MSH4: variants seen among roughly 807,000 people sequenced by gnomAD.
MSH4 encodes the protein mutS protein homolog 4.
In MSH4, 106 loss-of-function variants were observed where a neutral mutation model predicts 113.7. The observed-to-expected ratio is 0.93, with a 90% CI of 0.80 to 1.10. The LOEUF is 1.10. Ranked by LOEUF, MSH4 falls within the 50% of genes least tolerant of loss-of-function variation. MSH4 has a pLI of 0.00. For missense variants in MSH4, 1,061 were observed against 1,093.7 expected (o/e 0.97, Z 0.42); for synonymous variants, 368 against 380.2 (o/e 0.97, Z 0.37).
intron 8 of MSH4, among the ~76,000 whole-genome samples, chr1:75,849,862 A>G (rs1393648361): frequency 6.6e-6 from 1 of 152,184 alleles, no homozygotes; most frequent in Non-Finnish European, 1.5e-5. Context: ...TCCACTTATT[A>G]AATAGGCATA....
At chr1:75,893,564 A>G (rs772857528) in intron 17 of MSH4, among the ~76,000 whole-genome samples, 7 of 152,174 alleles carry the variant, frequency 4.6e-5, no homozygotes, top group Non-Finnish European at 7.4e-5. Context: ...AGGAAACTGT[A>G]ATGGCATCCC....
At chr1:75,889,730 T>C (rs1652210144) in intron 16 of MSH4, among the ~76,000 whole-genome samples, 1 of 152,150 alleles carries the variant, frequency 6.6e-6, no homozygotes, top group African/African-American at 2.4e-5. Flanking sequence ...ATTACTGTGT[T>C]AGAAGGGTTT....
At chr1:75,894,273 G>A (rs1250274804) in intron 17 of MSH4, among the ~76,000 whole-genome samples, 1 of 152,170 alleles carries the variant, frequency 6.6e-6, no homozygotes, top group African/African-American at 2.4e-5. Context: ...TTACTGTAAT[G>A]GGAAGCAGAG....
intron 17 of MSH4, among the ~76,000 whole-genome samples, chr1:75,895,458 G>A (rs1652357854): frequency 6.6e-6 from 1 of 152,052 alleles, no homozygotes. Flanking sequence ...GAAGCCAAAG[G>A]AAATACAGAA....
chr1:75,879,087 A>C lies in MSH4; in HGVS notation c.1636A>C (p.Ile546Leu), dbSNP rs747371654. The C allele has an allele frequency of 6.2e-7, 1 of 1,611,980 alleles. No homozygotes were observed. The highest frequency in any genetic ancestry group is 1.1e-5 in the South Asian group (1 of 91,034). ...GFFIQMTTDC[I>L]ALPSDQLPSE... ...TTTCATCCAGATGACTACAGATTGT[A>C]TAGCCCTACCTAGTGATCAACTTCC... is the stretch of plus-strand genomic sequence containing the variant. Residue 546 changes from isoleucine (I) to leucine (L), a missense_variant, in exon 12 of 20, where the codon ATA becomes CTA. By Grantham distance (5) the Ile-to-Leu change is conservative. Transcript: ENST00000263187.
intron 9 of MSH4, among the ~76,000 whole-genome samples, chr1:75,869,584 G>A (rs112271779): frequency 0.029 from 4,399 of 152,276 alleles, 98 homozygotes; most frequent in Non-Finnish European, 0.043. Context: ...GGTGCTCTGC[G>A]TCGCAGTTGC....
chr1:75,902,346 C>T (rs762036109), intron 19 of MSH4, among the ~76,000 whole-genome samples: 1 of 151,754 alleles, frequency 6.6e-6, no homozygotes, highest in Non-Finnish European at 1.5e-5. Flanking sequence ...AATTTTTAAC[C>T]CTTGCCACCT....
chr1:75,854,257 G>T (rs1333825352), intron 8 of MSH4, among the ~76,000 whole-genome samples: 5 of 151,312 alleles, frequency 3.3e-5, no homozygotes, highest in African/African-American at 4.9e-5. Context: ...TAATATATTT[G>T]ATATATTCAG....
intron 19 of MSH4, among the ~76,000 whole-genome samples, chr1:75,902,673 G>GTATATATATA (rs34304425): frequency 2.2e-5 from 2 of 90,204 alleles, no homozygotes; most frequent in Non-Finnish European, 2.3e-5. Flanking sequence ...ATATGTGTAT[G>GTATATATATA]TATATATATA....
chr1:75,818,085 A>T (rs1004173747), intron 6 of MSH4, among the ~76,000 whole-genome samples: 4 of 152,280 alleles, frequency 2.6e-5, no homozygotes, highest in Middle Eastern at 3.4e-3. Context: ...AGACTACTAT[A>T]ATAGCCTCCT....
intron 15 of MSH4, among the ~76,000 whole-genome samples, chr1:75,887,125 C>A (rs567023137): frequency 7.4e-4 from 113 of 152,164 alleles, no homozygotes; most frequent in African/African-American, 2.6e-3. Flanking sequence ...CCACCCAAAT[C>A]TCACCTTGAA....
At chr1:75,841,170 TCC>T (rs1650951554) in intron 7 of MSH4, among the ~76,000 whole-genome samples, 1 of 103,044 alleles carries the variant, frequency 9.7e-6, no homozygotes, top group African/African-American at 3.9e-5. Context: ...CCTCCCTCCC[TCC>T]CTCCCTCCCG....
intron 8 of MSH4, among the ~76,000 whole-genome samples, chr1:75,848,482 C>T (rs751455926): frequency 9.2e-5 from 14 of 152,076 alleles, no homozygotes; most frequent in South Asian, 2.1e-4. Flanking sequence ...AATTTCAGCC[C>T]GGCATGGTGG....
chr1:75,872,920 A>G (rs936033585), intron 9 of MSH4, among the ~76,000 whole-genome samples: 12 of 152,194 alleles, frequency 7.9e-5, no homozygotes, highest in African/African-American at 2.9e-4. Flanking sequence ...CATTGTTTTG[A>G]CATTATTGCC....
intron 14 of MSH4, among the ~76,000 whole-genome samples, chr1:75,882,329 T>C (rs5745475): frequency 0.047 from 7,147 of 152,154 alleles, 207 homozygotes; most frequent in African/African-American, 0.064. Context: ...AAATTTTTTT[T>C]CTAACCTCAC....
At chr1:75,831,269 G>A (rs1364919095) in intron 7 of MSH4, among the ~76,000 whole-genome samples, 3 of 152,126 alleles carry the variant, frequency 2.0e-5, no homozygotes, top group Non-Finnish European at 4.4e-5. Flanking sequence ...CCCAAAACAG[G>A]AGCACCCAGA....
intron 7 of MSH4, among the ~76,000 whole-genome samples, chr1:75,828,167 G>A (rs1650598717): frequency 6.6e-6 from 1 of 152,146 alleles, no homozygotes; most frequent in African/African-American, 2.4e-5. Flanking sequence ...ACAGATGTTG[G>A]CAAGTCTGCA....
At chr1:75,799,595 C>T (rs893491396) in intron 1 of MSH4, among the ~76,000 whole-genome samples, 5 of 152,176 alleles carry the variant, frequency 3.3e-5, no homozygotes, top group Non-Finnish European at 7.3e-5. Context: ...ACAGCTGGAG[C>T]GCATTCTTGA....
In MSH4 at chr1:75,879,111, C is replaced by A; in HGVS notation, c.1660C>A (p.Pro554Thr). The stretch of plus-strand genomic sequence containing the variant: ...TATAGCCCTACCTAGTGATCAACTT[C>A]CTTCAGAATTTATTAAGGTTCATTT... ...DCIALPSDQL[P>T]SEFIKISKVK... Residue 554 changes from proline to threonine, a missense_variant, in exon 12 of 20, where the codon CCT becomes ACT. By Grantham distance (38) the Pro-to-Thr change is conservative (BLOSUM62 -1). Coordinates refer to ENST00000263187, the MANE Select transcript of MSH4 (RefSeq NM_002440.4). The A allele has an allele frequency of 1.2e-6, 2 of 1,610,784 alleles. No individual in the cohort carries two copies. Among genetic ancestry groups the A allele is most frequent in the East Asian group, 4.5e-5 (2 of 44,772 alleles).
Sources: gnomAD v4.1 joint callset for allele counts (sites outside exome capture counted in the v4.1 genomes callset) on GRCh38, gnomAD v4.1.1 for gene constraint, MANE v1.5 for transcripts, NCBI Gene and HGNC (gene_info 2026-07-23, HGNC 2026-07-21) for gene names.